The following PCDHB3 variants were observed in gnomAD, a reference collection of about 807,000 sequenced individuals.
PCDHB3 encodes the protein protocadherin beta-3.
For missense variants in PCDHB3, 967 were observed against 1,012.1 expected, an observed-to-expected ratio of 0.96 and a Z score of 0.60; for synonymous variants, 479 against 456.0, an observed-to-expected ratio of 1.05 and a Z score of -0.64.
Position 141,101,892 on chromosome 5 carries a change from T to G in PCDHB3, c.1243T>G (p.Ser415Ala), listed in dbSNP as rs756331611. 6.2e-7 allele frequency: 1 copy of G among 1,613,980 alleles called. No individual in the cohort carries two copies. The highest frequency in any genetic ancestry group is 1.1e-5 in the South Asian group (1 of 91,082). Residue 415 changes from serine (S) to alanine (A), a missense_variant, in exon 1 of 1, where the codon TCC becomes GCC. Transcript: ENST00000231130. Reference protein sequence around the residue: ...SEGALDRETRSEYNITITITD... With the variant: ...SEGALDRETRAEYNITITITD... Reference sequence around the variant, plus strand: ...AGGCGCGCTGGACAGAGAGACCAGATCCGAGTACAACATTACCATCACTAT... The same window carrying G: ...AGGCGCGCTGGACAGAGAGACCAGAGCCGAGTACAACATTACCATCACTAT...
chr5:141,103,155 T>TA lies in PCDHB3; in HGVS notation c.*116dup. The TA allele has an allele frequency of 8.3e-7, 1 of 1,202,262 alleles. No homozygotes were observed. The highest frequency in any genetic ancestry group is 1.2e-6 in the Non-Finnish European group (1 of 854,372). 74.5% of individuals were successfully genotyped at this position (1,202,262 alleles called of 1,614,324 possible). On this transcript the variant is annotated 3_prime_UTR_variant, in exon 1 of 1. Transcript: ENST00000231130. Reference sequence around the variant, plus strand: ...TCTGGTTCAAGGCAAGTAGCAAGAATAGAGCAAAATATCAAATCCAGGGAT... The same window carrying TA: ...TCTGGTTCAAGGCAAGTAGCAAGAATAAGAGCAAAATATCAAATCCAGGGAT...
In PCDHB3 at chr5:141,102,091, G is replaced by T. The variant is rs17844393; in HGVS notation, c.1442G>T (p.Gly481Val). The T allele has an allele frequency of 1.9e-6, 3 of 1,612,868 alleles. No individual in the cohort carries two copies. Among genetic ancestry groups the T allele is most frequent in the Non-Finnish European group, 2.5e-6 (3 of 1,180,024 alleles). ...GTCAGCGCCACAGACAGAGACTCAGGCACCAACGCCCAGGTAACCTACTCG... is the reference window on the plus strand; with the variant it reads ...GTCAGCGCCACAGACAGAGACTCAGTCACCAACGCCCAGGTAACCTACTCG... ...GSVSATDRDS[G>V]TNAQVTYSLL... The change falls in exon 1 of 1, where the codon GGC becomes GTC. Residue 481 changes from glycine (G) to valine (V), a missense_variant. Gly to Val is a moderately radical substitution (Grantham distance 109). Coordinates refer to ENST00000231130, the MANE Select transcript of PCDHB3 (RefSeq NM_018937.5).
Position 141,102,605 on chromosome 5 carries a change from C to T in PCDHB3, c.1956C>T (p.Arg652=). 1 of 1,608,760 alleles carries T rather than the reference C, an allele frequency of 6.2e-7. No individual in the cohort carries two copies. Among genetic ancestry groups the T allele is most frequent in the South Asian group, 1.1e-5 (1 of 90,980 alleles). ...VLVKDNGEPP[R]SATATLHVLL... Reference sequence around the variant, plus strand: ...TCAAGGACAATGGCGAGCCTCCGCGCTCGGCCACCGCCACGCTGCATGTGC... The same window carrying T: ...TCAAGGACAATGGCGAGCCTCCGCGTTCGGCCACCGCCACGCTGCATGTGC... The change falls in exon 1 of 1, where the codon CGC becomes CGT. Residue 652 remains arginine (R), a synonymous_variant. Transcript: ENST00000231130.
chr5:141,100,853 CA>C lies in PCDHB3; in HGVS notation c.207del (p.Asn71ThrfsTer16). ...LAARGAQVVS[K>X]GNKQHFQLSH... ...CCGCGAGGGGGGCCCAAGTTGTGTCCAAAGGGAACAAACAGCATTTTCAGCT... is the reference window on the plus strand; with the variant it reads ...CCGCGAGGGGGGCCCAAGTTGTGTCCAAGGGAACAAACAGCATTTTCAGCT... On this transcript the variant is annotated frameshift_variant, in exon 1 of 1. Coordinates refer to ENST00000231130, the MANE Select transcript of PCDHB3 (RefSeq NM_018937.5). LOFTEE classifies it low-confidence loss of function (END_TRUNC). 1 of 1,613,982 alleles carries C rather than the reference CA, an allele frequency of 6.2e-7. No homozygotes were observed.
chr5:141,101,414 C>G lies in PCDHB3; in HGVS notation c.765C>G (p.Thr255=). ...ATGAGGTTGCAGTTCTAGAGAATAC[C>G]CCCGTTAACTCTGTCATTGTCACTG... ...PLYEVAVLEN[T]PVNSVIVTVS... The change falls in exon 1 of 1, where the codon ACC becomes ACG. Residue 255 remains threonine, a synonymous_variant. Transcript: ENST00000231130. 6.2e-7 allele frequency: 1 copy of G among 1,614,142 alleles called. No individual in the cohort carries two copies. Among genetic ancestry groups the G allele is most frequent in the Non-Finnish European group, 8.5e-7 (1 of 1,180,020 alleles).
chr5:141,101,674 A>G lies in PCDHB3; in HGVS notation c.1025A>G (p.Asp342Gly), dbSNP rs1751945611. Residue 342 changes from aspartate to glycine, a missense_variant, in exon 1 of 1, where the codon GAC (aspartate) becomes GGC (glycine). Asp to Gly is a moderately conservative substitution (Grantham distance 94, BLOSUM62 -1). Transcript: ENST00000231130. ...ATAGTCCAGGTGGTTGATGTCAACG[A>G]CAACCCACCGGAACTGACCTTGTCT... ...TVIVQVVDVN[D>G]NPPELTLSSV... 1 of 1,613,934 alleles carries G rather than the reference A, an allele frequency of 6.2e-7. No individual in the cohort carries two copies. Among genetic ancestry groups the G allele is most frequent in the Non-Finnish European group, 8.5e-7 (1 of 1,180,034 alleles).
chr5:141,102,758 T>C lies in PCDHB3; in HGVS notation c.2109T>C (p.Phe703=), dbSNP rs17844403. 0.032 allele frequency: 49,687 copies of C among 1,535,562 alleles called. 4,715 individuals carry two copies. The highest frequency in any genetic ancestry group is 0.074 in the South Asian group (6,368 of 86,392). Residue 703 remains phenylalanine, a synonymous_variant, in exon 1 of 1, where the codon TTT becomes TTC. Coordinates refer to ENST00000231130, the MANE Select transcript of PCDHB3 (RefSeq NM_018937.5). ...ALASVSSLFL[F]SVLLFVAVRL... is the part of the protein sequence containing the mutation. ...CCTCGGTGTCTTCGCTCTTCCTCTT[T>C]TCGGTGCTCCTGTTCGTGGCGGTGC... is the stretch of plus-strand genomic sequence containing the variant.
In PCDHB3 at chr5:141,100,607, T is replaced by A. The variant is rs782536228; in HGVS notation, c.-43T>A. ...ACTGTTTCCCAGCTCTGTCTGAGGT[T>A]CAGCTTGGCGACATTCCCTGGAAGA... On this transcript the variant is annotated 5_prime_UTR_variant, in exon 1 of 1. Transcript: ENST00000231130. The A allele has an allele frequency of 4.2e-6, 6 of 1,436,400 alleles. No homozygotes were observed. The Admixed American group carries it at 1.1e-4, about 27-fold the overall frequency. 89.0% of individuals were successfully genotyped at this position (1,436,400 alleles called of 1,614,324 possible). A position where few individuals can be genotyped will look rare whatever the true frequency, so the allele number is the denominator to read the frequency against.
Position 141,101,042 on chromosome 5 carries a change from G to C in PCDHB3, c.393G>C (p.Pro131=), listed in dbSNP as rs782690428. ...TCATAGATGTAAATGACCATTCTCC[G>C]GTATTCTTTGAAAATGAAATGCATC... ...LRIIDVNDHS[P]VFFENEMHLK... The change falls in exon 1 of 1, where the codon CCG becomes CCC. Residue 131 remains proline, a synonymous_variant. Coordinates refer to ENST00000231130, the MANE Select transcript of PCDHB3 (RefSeq NM_018937.5). The C allele has an allele frequency of 8.7e-6, 14 of 1,614,098 alleles. No individual in the cohort carries two copies. Among genetic ancestry groups the C allele is most frequent in the Non-Finnish European group, 1.2e-5 (14 of 1,180,026 alleles).
rs782772125 is a variant in PCDHB3 at position 141,101,437 on chromosome 5, C to T, written c.788C>T (p.Thr263Ile). 1.2e-6 allele frequency: 2 copies of T among 1,614,200 alleles called. No homozygotes were observed. The highest frequency in any genetic ancestry group is 1.1e-5 in the South Asian group (1 of 91,088). ...ACCCCCGTTAACTCTGTCATTGTCA[C>T]TGTCTCGGCTTCTGACTTAGATACA... ...ENTPVNSVIV[T>I]VSASDLDTGS... The change falls in exon 1 of 1, where the codon ACT becomes ATT. Residue 263 changes from threonine to isoleucine, a missense_variant. Physicochemically the swap from Thr to Ile is moderately conservative, Grantham distance 89. Coordinates refer to ENST00000231130, the MANE Select transcript of PCDHB3 (RefSeq NM_018937.5).
In PCDHB3 at chr5:141,101,300, C is replaced by T. The variant is rs1554272254; in HGVS notation, c.651C>T (p.Gly217=). The part of the protein sequence containing the change: ...ELSLTLTALD[G]GSPPRSGTAQ... The stretch of plus-strand genomic sequence containing the variant: ...GCTTAACGCTCACCGCGCTGGACGG[C>T]GGCTCTCCCCCTCGGTCTGGGACAG... Residue 217 remains glycine, a synonymous_variant, in exon 1 of 1, where the codon GGC becomes GGT. Transcript: ENST00000231130. 1 of 1,613,994 alleles carries T rather than the reference C, an allele frequency of 6.2e-7. No individual in the cohort carries two copies. The highest frequency in any genetic ancestry group is 1.7e-5 in the Admixed American group (1 of 60,006).
In PCDHB3 at chr5:141,101,902, A is replaced by G. The variant is rs1554272407; in HGVS notation, c.1253A>G (p.Asn418Ser). ...GACAGAGAGACCAGATCCGAGTACA[A>G]CATTACCATCACTATCACTGACCTG... ...ALDRETRSEY[N>S]ITITITDLGT... Residue 418 changes from asparagine to serine, a missense_variant, in exon 1 of 1, where the codon AAC becomes AGC. By Grantham distance (46) the Asn-to-Ser change is conservative. Transcript: ENST00000231130. The G allele has an allele frequency of 6.2e-7, 1 of 1,614,178 alleles. No individual in the cohort carries two copies. Among genetic ancestry groups the G allele is most frequent in the Admixed American group, 1.7e-5 (1 of 60,032 alleles).
At position 141,101,572 on chromosome 5, in the gene PCDHB3, A is replaced by G; in HGVS notation, c.923A>G (p.Asn308Ser). ...GATATGCAACTGGTCAAATATTTGA[A>G]TTTTGAAGCGATTAATAGTTATGAA... ...TGDMQLVKYL[N>S]FEAINSYEVD... Residue 308 changes from asparagine (N) to serine (S), a missense_variant, in exon 1 of 1, where the codon AAT becomes AGT. By Grantham distance (46) the Asn-to-Ser change is conservative. Coordinates refer to ENST00000231130, the MANE Select transcript of PCDHB3 (RefSeq NM_018937.5). 1 of 1,614,196 alleles carries G rather than the reference A, an allele frequency of 6.2e-7. No homozygotes were observed. The highest frequency in any genetic ancestry group is 8.5e-7 in the Non-Finnish European group (1 of 1,180,030).
In PCDHB3 at chr5:141,101,488, C is replaced by T. The variant is rs1554272304; in HGVS notation, c.839C>T (p.Ala280Val). 1 of 1,614,094 alleles carries T rather than the reference C, an allele frequency of 6.2e-7. No homozygotes were observed. Among genetic ancestry groups the T allele is most frequent in the East Asian group, 2.2e-5 (1 of 44,892 alleles). The part of the protein sequence containing the change: ...DTGSFGTISY[A>V]FFHASEEIRK... ...GGAAGTTTTGGGACAATATCATATGCATTTTTTCATGCTTCTGAAGAAATT... is the reference window on the plus strand; with the variant it reads ...GGAAGTTTTGGGACAATATCATATGTATTTTTTCATGCTTCTGAAGAAATT... Residue 280 changes from alanine to valine, a missense_variant, in exon 1 of 1, where the codon GCA becomes GTA. Transcript: ENST00000231130.
chr5:141,102,922 G>A lies in PCDHB3; in HGVS notation c.2273G>A (p.Gly758Asp), dbSNP rs202125784. The change falls in exon 1 of 1, where the codon GGC becomes GAC. Residue 758 changes from glycine to aspartate, a missense_variant. Gly to Asp is a moderately conservative substitution (Grantham distance 94). Coordinates refer to ENST00000231130, the MANE Select transcript of PCDHB3 (RefSeq NM_018937.5). ...SYQYEVCLTG[G>D]SGTNEFKFLK... ...CAGTACGAGGTGTGTCTGACTGGAG[G>A]CTCCGGGACAAATGAGTTCAAGTTC... The A allele has an allele frequency of 6.8e-6, 11 of 1,613,046 alleles. No homozygotes were observed. Among genetic ancestry groups the A allele is most frequent in the African/African-American group, 1.3e-5 (1 of 74,868 alleles).
At position 141,103,669 on chromosome 5, in the gene PCDHB3, T is replaced by C. The variant is rs1004714917; in HGVS notation, c.*629T>C. On this transcript the variant is annotated 3_prime_UTR_variant, in exon 1 of 1. Coordinates refer to ENST00000231130, the MANE Select transcript of PCDHB3 (RefSeq NM_018937.5). Reference sequence around the variant, plus strand: ...AATGAAAGTAATTTAGTTCATTTTCTGTGTTGACATTTGCAATTAATATTT... The same window carrying C: ...AATGAAAGTAATTTAGTTCATTTTCCGTGTTGACATTTGCAATTAATATTT... 1.3e-5 allele frequency: 2 copies of C among 152,240 alleles called. No individual in the cohort carries two copies. Among genetic ancestry groups the C allele is most frequent in the Non-Finnish European group, 2.9e-5 (2 of 68,038 alleles). 9.4% of individuals were successfully genotyped at this position (152,240 alleles called of 1,614,324 possible). A position where few individuals can be genotyped will look rare whatever the true frequency, so the allele number is the denominator to read the frequency against.
In PCDHB3 at chr5:141,103,121, C is replaced by A; in HGVS notation, c.*81C>A. On this transcript the variant is annotated 3_prime_UTR_variant, in exon 1 of 1. Coordinates refer to ENST00000231130, the MANE Select transcript of PCDHB3 (RefSeq NM_018937.5). ...TTACTGCTTTGTCCATTGGAGAGGT[C>A]TTTTTTGGTCTGGTTCAAGGCAAGT... is the stretch of plus-strand genomic sequence containing the variant. 2 of 1,494,928 alleles carry A rather than the reference C, an allele frequency of 1.3e-6. No individual in the cohort carries two copies. Among genetic ancestry groups the A allele is most frequent in the Non-Finnish European group, 9.0e-7 (1 of 1,113,834 alleles). The allele number at this position is 1,494,928 out of a possible 1,614,324, so 92.6% of individuals were successfully genotyped here.
At position 141,101,230 on chromosome 5, in the gene PCDHB3, T is replaced by C; in HGVS notation, c.581T>C (p.Leu194Pro). 1 of 1,614,154 alleles carries C rather than the reference T, an allele frequency of 6.2e-7. No individual in the cohort carries two copies. Among genetic ancestry groups the C allele is most frequent in the East Asian group, 2.2e-5 (1 of 44,878 alleles). The change falls in exon 1 of 1, where the codon CTA (leucine) becomes CCA (proline). Residue 194 changes from leucine (L) to proline (P), a missense_variant. Leu to Pro is a moderately conservative substitution (Grantham distance 98). Transcript: ENST00000231130. ...AGGGACGGAAGGAAGTACCCGGAAC[T>C]AGTACTGGATAAAGCGCTCGATCCG... Reference protein sequence around the residue: ...SRRDGRKYPELVLDKALDPEE... With the variant: ...SRRDGRKYPEPVLDKALDPEE...
chr5:141,101,879 CAG>C lies in PCDHB3; in HGVS notation c.1236_1237del (p.Glu412AspfsTer13), dbSNP rs782694146. On this transcript the variant is annotated frameshift_variant, in exon 1 of 1. Coordinates refer to ENST00000231130, the MANE Select transcript of PCDHB3 (RefSeq NM_018937.5). LOFTEE classifies it low-confidence loss of function (END_TRUNC). ...YTLVSEGALD[R>X]ETRSEYNITI... ...CCCTAGTGTCAGAAGGCGCGCTGGA[CAG>C]AGAGACCAGATCCGAGTACAACATT... 5 of 1,614,186 alleles carry C rather than the reference CAG, an allele frequency of 3.1e-6. No individual in the cohort carries two copies. The highest frequency in any genetic ancestry group is 2.2e-5 in the East Asian group (1 of 44,886).
Sources: gnomAD v4.1 joint callset for allele counts on GRCh38, gnomAD v4.1.1 for gene constraint, MANE v1.5 for transcripts, NCBI Gene and HGNC (gene_info 2026-07-23, HGNC 2026-07-21) for gene names.